Variants in AMMECR1 observed in about 807,000 individuals in gnomAD.
AMMECR1 encodes the protein nuclear protein AMMECR1.
AMMECR1 carries 3 observed loss-of-function variants against 22.5 expected under a neutral mutation model. The observed-to-expected ratio is 0.13, with a 90% CI of 0.06 to 0.35. The LOEUF (loss-of-function observed/expected upper bound fraction) is 0.35. Among genes scored for constraint, AMMECR1 ranks in the 10% least tolerant of loss-of-function variants. AMMECR1 has a pLI of 1.00. For missense variants in AMMECR1, 235 were observed against 278.7 expected, an observed-to-expected ratio of 0.84 and a Z score of 1.12; for synonymous variants, 130 against 116.7, an observed-to-expected ratio of 1.11 and a Z score of -0.74.
rs866025415 is a variant in AMMECR1, at chrX:110,373,489, C to T, written c.-148+53169G>A. Among the ~76,000 whole-genome samples the T allele has an allele frequency of 1.2e-3, 132 of 111,659 alleles. 1 individual carries two copies. The highest frequency in any genetic ancestry group is 1.4e-3 in the Non-Finnish European group (73 of 53,138). Reference sequence around the variant, plus strand: ...TCCATAACTCAGAGTCCAATTCTTACGGAAGGGTTCTAACAGAAAACAGTT... The same window carrying T: ...TCCATAACTCAGAGTCCAATTCTTATGGAAGGGTTCTAACAGAAAACAGTT... On this transcript the variant is annotated intron_variant, in intron 2 of 7. Coordinates refer to the AMMECR1 transcript ENST00000372057.
rs1438536888 is a variant in AMMECR1 at position 110,195,521 on chromosome X, A to G, written c.*2999T>C. 1 of 112,400 alleles carries G rather than the reference A, an allele frequency of 8.9e-6. No individual in the cohort carries two copies. The highest frequency in any genetic ancestry group is 3.2e-5 in the African/African-American group (1 of 30,923). 9.3% of individuals were successfully genotyped at this position (112,400 alleles called of 1,213,427 possible). A position where few individuals can be genotyped will look rare whatever the true frequency, so the allele number is the denominator to read the frequency against. On this transcript the variant is annotated 3_prime_UTR_variant, in exon 6 of 6. Transcript: ENST00000262844. ...GAAAAATACCCAGTTGCATCTGAAA[A>G]TGGAAAACTTAAATGGAACGAATTA...
chrX:110,258,437 A>G (rs1171743949), intron 2 of AMMECR1, among the ~76,000 whole-genome samples: 1 of 111,699 alleles, frequency 9.0e-6, no homozygotes, highest in Non-Finnish European at 1.9e-5. Flanking sequence ...TTGAGTAAAG[A>G]GCGTACAACA....
chrX:110,321,485 A>G (rs189707812), upstream of AMMECR1, among the ~76,000 whole-genome samples: 5 of 111,814 alleles, frequency 4.5e-5, no homozygotes, highest in African/African-American at 1.3e-4. Flanking sequence ...TTGTTTTACA[A>G]CTGTGGAAAA....
At chrX:110,226,997 C>T (rs933025505) in intron 2 of AMMECR1, among the ~76,000 whole-genome samples, 3 of 111,574 alleles carry the variant, frequency 2.7e-5, no homozygotes, top group African/African-American at 9.8e-5. Flanking sequence ...CTAAGCCTTC[C>T]CTTATTCCGA....
intron 2 of AMMECR1, among the ~76,000 whole-genome samples, chrX:110,421,349 T>C (rs769521612): frequency 8.9e-6 from 1 of 112,742 alleles, no homozygotes; most frequent in South Asian, 3.7e-4. Flanking sequence ...CAGTGTCATT[T>C]GTTCACTAAC....
At chrX:110,335,278 T>C (rs780830169) in intron 2 of AMMECR1, among the ~76,000 whole-genome samples, 2 of 110,851 alleles carry the variant, frequency 1.8e-5, no homozygotes, top group South Asian at 7.8e-4. Context: ...GGTGGAGAAA[T>C]GATTCCAAGA....
rs1221687042 is a variant in AMMECR1, at chrX:110,194,823, A to T, written c.*3697T>A. ...ATATAAAGGATCAATGCTGGTCTTA[A>T]GAATAATGTCATCAGAAACCCTTAA... On this transcript the variant is annotated 3_prime_UTR_variant, in exon 6 of 6. Coordinates refer to ENST00000262844, the MANE Select transcript of AMMECR1 (RefSeq NM_015365.3). 8.9e-6 allele frequency: 1 copy of T among 112,157 alleles called. No homozygotes were observed. 9.2% of individuals were successfully genotyped at this position (112,157 alleles called of 1,213,427 possible).
intron 1 of AMMECR1, among the ~76,000 whole-genome samples, chrX:110,289,084 A>C (rs1487293975): frequency 8.9e-6 from 1 of 112,233 alleles, no homozygotes; most frequent in Non-Finnish European, 1.9e-5. Flanking sequence ...TTCTAAATCC[A>C]TATTTGAAAC....
chrX:110,432,969 C>G (rs943183918), intron 1 of AMMECR1, among the ~76,000 whole-genome samples: 11 of 112,754 alleles, frequency 9.8e-5, no homozygotes, highest in African/African-American at 3.5e-4. Flanking sequence ...CTAACCCAGA[C>G]AGTCAGTGGC....
intron 2 of AMMECR1, among the ~76,000 whole-genome samples, chrX:110,355,674 G>A (rs766184303): frequency 1.4e-4 from 16 of 111,535 alleles, no homozygotes; most frequent in African/African-American, 3.9e-4. Context: ...CAGTATAAAG[G>A]TTCCTCAAAA....
chrX:110,416,006 C>CAAA (rs58422043), intron 2 of AMMECR1, among the ~76,000 whole-genome samples: 3 of 74,388 alleles, frequency 4.0e-5, no homozygotes, highest in Non-Finnish European at 8.3e-5. Context: ...CCAGAAGAGG[C>CAAA]AAAAAAAAAA....
intron 2 of AMMECR1, among the ~76,000 whole-genome samples, chrX:110,350,661 A>G (rs1166093559): frequency 1.8e-5 from 2 of 111,907 alleles, no homozygotes; most frequent in Admixed American, 9.5e-5. Context: ...ACAATCTGAA[A>G]ATAAAATTAA....
intron 1 of AMMECR1, among the ~76,000 whole-genome samples, chrX:110,293,055 A>G (rs1157103981): frequency 2.7e-5 from 3 of 112,488 alleles, no homozygotes; most frequent in Middle Eastern, 4.6e-3. Context: ...AACTGCAAAA[A>G]AAGATGTAGA....
intron 1 of AMMECR1, among the ~76,000 whole-genome samples, chrX:110,314,262 T>C (rs1265447035): frequency 9.0e-6 from 1 of 111,615 alleles, no homozygotes; most frequent in Non-Finnish European, 1.9e-5. Flanking sequence ...CAGACCACAA[T>C]GCAAGAGTTT....
chrX:110,301,955 A>T (rs766210967), intron 1 of AMMECR1, among the ~76,000 whole-genome samples: 28 of 111,791 alleles, frequency 2.5e-4, no homozygotes, highest in Non-Finnish European at 4.3e-4. Flanking sequence ...GTGCCAAATA[A>T]TTTTTCAAGC....
At chrX:110,379,780 A>T (rs2068405706) in intron 2 of AMMECR1, among the ~76,000 whole-genome samples, 1 of 112,202 alleles carries the variant, frequency 8.9e-6, no homozygotes, top group South Asian at 3.7e-4. Context: ...AAATTCAGGG[A>T]TTTGTGATTT....
intron 1 of AMMECR1, among the ~76,000 whole-genome samples, chrX:110,439,643 G>A (rs1330218972): frequency 8.9e-6 from 1 of 112,138 alleles, no homozygotes; most frequent in African/African-American, 3.2e-5. Context: ...CAAAGGACAG[G>A]TGGAGTTTCT....
chrX:110,215,018 T>C (rs2067466594), intron 3 of AMMECR1, among the ~76,000 whole-genome samples: 1 of 111,991 alleles, frequency 8.9e-6, no homozygotes, highest in Non-Finnish European at 1.9e-5. Context: ...AAGGAATATT[T>C]CCATAATATT....
intron 1 of AMMECR1, among the ~76,000 whole-genome samples, chrX:110,432,897 T>C (rs1382231774): frequency 1.8e-5 from 2 of 112,741 alleles, no homozygotes; most frequent in East Asian, 2.8e-4. Flanking sequence ...CAGACGCTTC[T>C]AGGAGAAGCA....
Sources: gnomAD v4.1 joint callset for allele counts (sites outside exome capture counted in the v4.1 genomes callset) on GRCh38, gnomAD v4.1.1 for gene constraint, MANE v1.5 for transcripts, NCBI Gene and HGNC (gene_info 2026-07-23, HGNC 2026-07-21) for gene names.